The following ARHGAP6 variants were observed in gnomAD, a reference collection of about 807,000 sequenced individuals.
The protein encoded by ARHGAP6 is Rho GTPase activating protein 6, also known as rho GTPase-activating protein 6.
In ARHGAP6, 16 loss-of-function variants were observed where a neutral mutation model predicts 55.7. The ratio of observed to expected loss-of-function variants is 0.29; its 90% confidence interval spans 0.19 to 0.44. The LOEUF is 0.44. ARHGAP6 is among the 20% of genes least tolerant of loss of function. The pLI is 1.00. For missense variants in ARHGAP6, 698 were observed against 808.9 expected (o/e 0.86, Z 1.66); for synonymous variants, 382 against 360.9 (o/e 1.06, Z -0.66).
rs142872625 is a variant in ARHGAP6, at chrX:11,301,557, T to C, written c.589-46850A>G. On this transcript the variant is annotated intron_variant, in intron 1 of 12. Coordinates refer to ENST00000337414, the MANE Select transcript of ARHGAP6 (RefSeq NM_013427.3). ...TATGATTAAGGCCCCTTAATCATTT[T>C]CTGGAATGAATAAACATAACTTTAT... is the stretch of plus-strand genomic sequence containing the variant. Among the ~76,000 whole-genome samples, 1,077 of 112,252 alleles carry C rather than the reference T, an allele frequency of 9.6e-3. 20 individuals are homozygous for C. The highest frequency in any genetic ancestry group is 0.057 in the Admixed American group (609 of 10,604).
intron 1 of ARHGAP6, among the ~76,000 whole-genome samples, chrX:11,596,132 T>A (rs1204386731): frequency 8.9e-6 from 1 of 112,287 alleles, no homozygotes; most frequent in Non-Finnish European, 1.9e-5. Flanking sequence ...TATATGCTTA[T>A]TGTGGCACTA....
rs1431657590 is a variant in ARHGAP6 at position 11,276,631 on chromosome X, C to T, written c.589-21924G>A. Among the ~76,000 whole-genome samples the T allele has an allele frequency of 7.2e-5, 8 of 111,374 alleles. No homozygotes were observed. In the East Asian group the frequency reaches 1.4e-3, roughly 20 times the overall value. On this transcript the variant is annotated intron_variant, in intron 1 of 12. Transcript: ENST00000337414. The stretch of plus-strand genomic sequence containing the variant: ...AGTATGACACCAAATGCAGGTATGA[C>T]GTGAAAACAAGCCATCTGCACTTAC...
intron 1 of ARHGAP6, among the ~76,000 whole-genome samples, chrX:11,582,915 TAA>T (rs1192439040): frequency 3.6e-5 from 4 of 111,358 alleles, no homozygotes; most frequent in African/African-American, 9.8e-5. Flanking sequence ...AATAGAGCTA[TAA>T]AAGTTTTAAA....
At chrX:11,168,304 CTAAT>C (rs758364250) in intron 9 of ARHGAP6, among the ~76,000 whole-genome samples, 2 of 112,442 alleles carry the variant, frequency 1.8e-5, no homozygotes, top group East Asian at 5.6e-4. Context: ...AATATAATTA[CTAAT>C]TAACAGTTGC....
At chrX:11,590,862 A>AAAGAAGGAAAGAAAG (rs1556118657) in intron 1 of ARHGAP6, among the ~76,000 whole-genome samples, 5 of 20,220 alleles carry the variant, frequency 2.5e-4, no homozygotes, top group East Asian at 2.6e-3. Context: ...AAAAGAAAAG[A>AAAGAAGGAAAGAAAG]AAAGAAGGAA....
rs2047747676 is a variant in ARHGAP6 at position 11,275,468 on chromosome X, T to A, written c.589-20761A>T. ...ACATTGCTTCCTATGTCTCTCCTAC[T>A]CACACTCAGAAAGTCACCAGTTTCT... On this transcript the variant is annotated intron_variant, in intron 1 of 12. Transcript: ENST00000337414. Among the ~76,000 whole-genome samples the A allele has an allele frequency of 3.6e-5, 4 of 111,704 alleles. No homozygotes were observed. The South Asian group carries it at 1.5e-3, about 42-fold the overall frequency.
At chrX:11,419,136 A>G (rs1476876122) in intron 1 of ARHGAP6, among the ~76,000 whole-genome samples, 1 of 111,788 alleles carries the variant, frequency 8.9e-6, no homozygotes, top group Non-Finnish European at 1.9e-5. Flanking sequence ...ACACATTGCC[A>G]GGGTCCCTTC....
rs994105779 is a variant in ARHGAP6, at chrX:11,309,921, G to A, written c.589-55214C>T. Among the ~76,000 whole-genome samples, 8 of 110,858 alleles carry A rather than the reference G, an allele frequency of 7.2e-5. No homozygotes were observed. In the South Asian group the frequency reaches 3.1e-3, roughly 43 times the overall value. ...AATCCCAGCATTTTGAGAGGCCAAG[G>A]TGGGCGGATCACTTGAGCTCAGGAG... On this transcript the variant is annotated intron_variant, in intron 1 of 12. Transcript: ENST00000337414.
intron 1 of ARHGAP6, among the ~76,000 whole-genome samples, chrX:11,587,731 C>T (rs1395290725): frequency 8.9e-6 from 1 of 112,133 alleles, no homozygotes; most frequent in Non-Finnish European, 1.9e-5. Context: ...CACTGCAGGT[C>T]ACATATGCTG....
intron 10 of ARHGAP6, chrX:11,145,076 A>C (rs905651827): frequency 3.6e-5 from 4 of 112,284 alleles, no homozygotes; most frequent in African/African-American, 1.3e-4. Flanking sequence ...TCTTACCTGG[A>C]AACATCTTTC....
chrX:11,208,788 T>C (rs2046746137), intron 2 of ARHGAP6, among the ~76,000 whole-genome samples: 1 of 111,869 alleles, frequency 8.9e-6, no homozygotes. Context: ...CCCAAAACCA[T>C]ACTGGATGCC....
intron 10 of ARHGAP6, among the ~76,000 whole-genome samples, chrX:11,151,605 T>C (rs753931250): frequency 2.0e-4 from 22 of 112,046 alleles, no homozygotes; most frequent in African/African-American, 5.5e-4. Context: ...CAAGGAATTA[T>C]CCTTTAACTC....
intron 2 of ARHGAP6, among the ~76,000 whole-genome samples, chrX:11,202,309 G>A (rs2046639305): frequency 9.0e-6 from 1 of 110,516 alleles, no homozygotes; most frequent in Non-Finnish European, 1.9e-5. Context: ...AAAGGCTTCA[G>A]AGGTGGCTCA....
At position 11,616,756 on chromosome X, in the gene ARHGAP6, T is replaced by C. The variant is rs1046754359; in HGVS notation, c.588+47485A>G. On this transcript the variant is annotated intron_variant, in intron 1 of 12. Coordinates refer to ENST00000337414, the MANE Select transcript of ARHGAP6 (RefSeq NM_013427.3). ...CACAATTTTGCCACCCAGGGGACATTTGGCAATATTTGGAGACTTTTTTGG... is the reference window on the plus strand; with the variant it reads ...CACAATTTTGCCACCCAGGGGACATCTGGCAATATTTGGAGACTTTTTTGG... 2.7e-5 allele frequency among the ~76,000 whole-genome samples: 3 copies of C among 111,902 alleles called. No homozygotes were observed. The South Asian group carries it at 1.1e-3, about 42-fold the overall frequency.
At chrX:11,252,259 C>A (rs2047433614) in intron 2 of ARHGAP6, among the ~76,000 whole-genome samples, 1 of 112,845 alleles carries the variant, frequency 8.9e-6, no homozygotes, top group African/African-American at 3.2e-5. Flanking sequence ...GATGTGCATT[C>A]AAACCAAGTT....
intron 1 of ARHGAP6, among the ~76,000 whole-genome samples, chrX:11,346,896 C>T (rs1227451365): frequency 9.1e-6 from 1 of 109,381 alleles, no homozygotes; most frequent in Admixed American, 9.9e-5. Context: ...TTATAAAGAC[C>T]CAAATATTGT....
At chrX:11,549,108 T>C (rs1425514641) in intron 1 of ARHGAP6, among the ~76,000 whole-genome samples, 1 of 112,272 alleles carries the variant, frequency 8.9e-6, no homozygotes, top group Non-Finnish European at 1.9e-5. Context: ...TAATATATCT[T>C]CTTTCCCAAA....
rs1179582251 is a variant in ARHGAP6 at position 11,611,240 on chromosome X, T to C, written c.588+53001A>G. On this transcript the variant is annotated intron_variant, in intron 1 of 12. Transcript: ENST00000337414. ...GAGGAAAGAGTTCTACAGCTAGGGC[T>C]CTAAAACATAACTTTTCTAACTAAT... 3.6e-5 allele frequency among the ~76,000 whole-genome samples: 4 copies of C among 112,373 alleles called. No individual in the cohort carries two copies. The Admixed American group carries it at 3.8e-4, about 11-fold the overall frequency.
chrX:11,342,724 T>G (rs60546984), intron 1 of ARHGAP6, among the ~76,000 whole-genome samples: 6,562 of 112,310 alleles, frequency 0.058, 207 homozygotes, highest in African/African-American at 0.12. Flanking sequence ...CCTAACTTTA[T>G]ACTAGTTTAA....
Sources: allele counts gnomAD v4.1 joint callset (sites outside exome capture counted in the v4.1 genomes callset), GRCh38; gene constraint gnomAD v4.1.1; transcripts MANE v1.5; gene names NCBI Gene and HGNC (gene_info 2026-07-23, HGNC 2026-07-21).